ITGB3: variants seen among roughly 807,000 people sequenced by gnomAD.
ITGB3 encodes integrin subunit beta 3, also known as integrin beta-3.
Under a neutral mutation model 85.8 loss-of-function variants are expected in ITGB3, and 48 were observed. That is an observed-to-expected ratio of 0.56 (90% CI 0.44 to 0.71). The LOEUF (loss-of-function observed/expected upper bound fraction) is 0.71, where lower values mean the gene tolerates loss of function less well. Among genes scored for constraint, ITGB3 ranks in the 30% least tolerant of loss-of-function variants. ITGB3 has a pLI of 0.00. For missense variants in ITGB3, 861 were observed against 1,019.1 expected, an observed-to-expected ratio of 0.84 and a Z score of 2.11; for synonymous variants, 363 against 395.6, an observed-to-expected ratio of 0.92 and a Z score of 0.98.
intron 1 of ITGB3, among the ~76,000 whole-genome samples, chr17:47,255,574 A>C (rs1477306910): frequency 6.6e-6 from 1 of 151,978 alleles, no homozygotes; most frequent in Non-Finnish European, 1.5e-5. Flanking sequence ...GGCACGCACC[A>C]CCACGCCCTA....
intron 1 of ITGB3, among the ~76,000 whole-genome samples, chr17:47,268,965 C>A (rs2065035017): frequency 6.6e-6 from 1 of 152,232 alleles, no homozygotes; most frequent in African/African-American, 2.4e-5. Flanking sequence ...CAGAGGTTCC[C>A]AAACGTCAGT....
chr17:47,274,804 A>T (rs1437083430), intron 2 of ITGB3, among the ~76,000 whole-genome samples: 13 of 152,138 alleles, frequency 8.5e-5, no homozygotes, highest in African/African-American at 3.1e-4. Context: ...TTCCTAAGAA[A>T]AACAGTTTAT....
At chr17:47,287,911 CTTTTTT>C (rs60463106) in intron 6 of ITGB3, among the ~76,000 whole-genome samples, 416 of 55,292 alleles carry the variant, frequency 7.5e-3, no homozygotes, top group Non-Finnish European at 0.011. Context: ...ACCACCCCTG[CTTTTTT>C]TTTTTTTTTT....
At chr17:47,291,457 C>G (rs1250915528) in intron 9 of ITGB3, 4 of 458,114 alleles carry the variant, frequency 8.7e-6, no homozygotes, top group Non-Finnish European at 1.5e-5. Context: ...TGTAAAACGA[C>G]ACAAGAAAGT....
chr17:47,273,411 G>C (rs1009173166), intron 1 of ITGB3, among the ~76,000 whole-genome samples: 4 of 152,198 alleles, frequency 2.6e-5, no homozygotes, highest in African/African-American at 9.6e-5. Context: ...CAGGAAGAAG[G>C]GTTCACCTGG....
rs56887047 is a variant in ITGB3 at position 47,256,125 on chromosome 17, A to G, written c.79+2185A>G. Among the ~76,000 whole-genome samples the G allele has an allele frequency of 7.2e-3, 1,092 of 152,276 alleles. 13 individuals carry two copies. Among genetic ancestry groups the G allele is most frequent in the African/African-American group, 0.025 (1,038 of 41,540 alleles). ...GTCTTCTAAATTCACTTTGGAGTGT[A>G]TTGGATTCCACTGCATTGACATACG... On this transcript the variant is annotated intron_variant, in intron 1 of 14. Transcript: ENST00000559488.
chr17:47,293,712 A>G (rs1221035913), intron 10 of ITGB3, among the ~76,000 whole-genome samples: 1 of 152,086 alleles, frequency 6.6e-6, no homozygotes, highest in African/African-American at 2.4e-5. Flanking sequence ...AGTTCAAGCA[A>G]TTCTCCTGCC....
chr17:47,299,515 C>A lies in ITGB3; in HGVS notation c.1898C>A (p.Ala633Asp). The A allele has an allele frequency of 3.1e-6, 5 of 1,614,116 alleles. No individual in the cohort carries two copies. The South Asian group carries it at 4.4e-5, about 14-fold the overall frequency. ...TCEKCPTCPD[A>D]CTFKKECVEC... The stretch of plus-strand genomic sequence containing the variant: ...GAGAAGTGCCCCACCTGCCCAGATG[C>A]CTGCACCTTTAAGAAGTGAGTGTGG... The change falls in exon 11 of 15, where the codon GCC becomes GAC. Residue 633 changes from alanine (A) to aspartate (D), a missense_variant. Ala to Asp is a moderately radical substitution (Grantham distance 126, BLOSUM62 -2). Transcript: ENST00000559488. The surrounding 1 kb of genome is among the most constrained non-coding windows in gnomAD (Gnocchi z 5.1).
chr17:47,255,968 A>AAAAATAAAT (rs1555570624), intron 1 of ITGB3, among the ~76,000 whole-genome samples: 44 of 150,974 alleles, frequency 2.9e-4, no homozygotes, highest in East Asian at 1.8e-3. Flanking sequence ...CAACTCAGTA[A>AAAAATAAAT]AAATAAATAA....
At position 47,300,578 on chromosome 17, in the gene ITGB3, A is replaced by G. The variant is rs79426495; in HGVS notation, c.2014A>G (p.Lys672Glu). Residue 672 changes from lysine to glutamate, a missense_variant and splice_region_variant, in exon 12 of 15, where the codon AAG (lysine) becomes GAG (glutamate). By Grantham distance (56) the Lys-to-Glu change is moderately conservative (BLOSUM62 1). Transcript: ENST00000559488. ...CGAGATTGAGTCAGTGAAAGAGCTTAGTAAGTTCAGCACATCTTAGAGTTG... is the reference window on the plus strand; with the variant it reads ...CGAGATTGAGTCAGTGAAAGAGCTTGGTAAGTTCAGCACATCTTAGAGTTG... ...RDEIESVKEL[K>E]DTGKDAVNCT... 12 of 1,611,864 alleles carry G rather than the reference A, an allele frequency of 7.4e-6. No individual in the cohort carries two copies. The highest frequency in any genetic ancestry group is 1.0e-5 in the Non-Finnish European group (12 of 1,178,164).
chr17:47,257,710 T>G lies in ITGB3; in HGVS notation c.79+3770T>G, dbSNP rs116378638. On this transcript the variant is annotated intron_variant, in intron 1 of 14. Coordinates refer to ENST00000559488, the MANE Select transcript of ITGB3 (RefSeq NM_000212.3). ...TTGGGCATTTGGGCCGCTGCACTGT[T>G]GCACCATTTAGACCTGTGATCTGAG... 7.1e-3 allele frequency among the ~76,000 whole-genome samples: 1,081 copies of G among 152,350 alleles called. 14 individuals are homozygous for G. The highest frequency in any genetic ancestry group is 0.024 in the African/African-American group (985 of 41,584).
intron 1 of ITGB3, among the ~76,000 whole-genome samples, chr17:47,264,866 A>G (rs1490724392): frequency 2.6e-5 from 4 of 151,968 alleles, no homozygotes; most frequent in Non-Finnish European, 5.9e-5. Context: ...ATTGCTTGTT[A>G]TTCCTTTATC....
At chr17:47,283,073 CTT>C (rs1555572168) in intron 2 of ITGB3, among the ~76,000 whole-genome samples, 11 of 143,896 alleles carry the variant, frequency 7.6e-5, no homozygotes, top group Non-Finnish European at 7.7e-5. Context: ...TTTCTTTTTC[CTT>C]TTTTTTTTTT....
chr17:47,257,752 G>A (rs938710755), intron 1 of ITGB3, among the ~76,000 whole-genome samples: 1 of 152,180 alleles, frequency 6.6e-6, no homozygotes, highest in Admixed American at 6.5e-5. Flanking sequence ...AAAAACTCAA[G>A]GGATCCTCTG....
At chr17:47,267,071 T>A (rs1275749162) in intron 1 of ITGB3, among the ~76,000 whole-genome samples, 1 of 152,188 alleles carries the variant, frequency 6.6e-6, no homozygotes, top group African/African-American at 2.4e-5. Context: ...AATTTGAGAC[T>A]CAGGATAAAA....
At position 47,304,479 on chromosome 17, in the gene ITGB3, AT is replaced by A. The variant is rs559464832; in HGVS notation, c.2134+1640del. 2.5e-4 allele frequency among the ~76,000 whole-genome samples: 38 copies of A among 152,374 alleles called. 1 individual carries two copies. The South Asian group carries it at 7.9e-3, about 32-fold the overall frequency. On this transcript the variant is annotated intron_variant, in intron 13 of 14. Transcript: ENST00000559488. Reference sequence around the variant, plus strand: ...TGAGCTGGGCTCTTATCACTCCCAGATGGGGTTACCAAATAAAATACACTAG... The same window carrying A: ...TGAGCTGGGCTCTTATCACTCCCAGAGGGGTTACCAAATAAAATACACTAG...
rs148562034 is a variant in ITGB3, at chr17:47,283,418, C to G, written c.230C>G (p.Pro77Arg). The change falls in exon 3 of 15, where the codon CCA becomes CGA. Residue 77 changes from proline (P) to arginine (R), a missense_variant. Physicochemically the swap from Pro to Arg is moderately radical, Grantham distance 103. Transcript: ENST00000559488. Reference sequence around the variant, plus strand: ...AATCTGCTGAAGGATAACTGTGCCCCAGAATCCATCGAGTTCCCAGTGAGT... The same window carrying G: ...AATCTGCTGAAGGATAACTGTGCCCGAGAATCCATCGAGTTCCCAGTGAGT... ...KENLLKDNCAPESIEFPVSEA... is the reference protein window; with the variant it reads ...KENLLKDNCARESIEFPVSEA... 3.1e-6 allele frequency: 5 copies of G among 1,614,238 alleles called. No homozygotes were observed. Among genetic ancestry groups the G allele is most frequent in the Non-Finnish European group, 4.2e-6 (5 of 1,180,050 alleles).
chr17:47,269,159 A>G (rs1240997248), intron 1 of ITGB3, among the ~76,000 whole-genome samples: 2 of 152,252 alleles, frequency 1.3e-5, no homozygotes, highest in Non-Finnish European at 2.9e-5. Context: ...GGCCCAGCCC[A>G]GGAAACCATT....
At chr17:47,275,920 G>T (rs1334571463) in intron 2 of ITGB3, among the ~76,000 whole-genome samples, 1 of 152,154 alleles carries the variant, frequency 6.6e-6, no homozygotes, top group East Asian at 1.9e-4. Context: ...GGGCTGAGCG[G>T]GCTGCTCAGT....
Sources: allele counts gnomAD v4.1 joint callset (sites outside exome capture counted in the v4.1 genomes callset), GRCh38; gene constraint gnomAD v4.1.1; non-coding constraint Gnocchi (gnomAD v3.1); transcripts MANE v1.5; gene names NCBI Gene and HGNC (gene_info 2026-07-23, HGNC 2026-07-21).